The following FSTL3 variants were observed in gnomAD, a reference collection of about 807,000 sequenced individuals.
FSTL3 encodes follistatin like 3, also known as follistatin-related protein 3.
In FSTL3, 21 loss-of-function variants were observed where a neutral mutation model predicts 28.1. The observed-to-expected ratio is 0.75, with a 90% CI of 0.53 to 1.08. The LOEUF (loss-of-function observed/expected upper bound fraction) is 1.08. Among genes scored for constraint, FSTL3 ranks in the 50% least tolerant of loss-of-function variants. The pLI is 0.00. For synonymous variants in FSTL3, 199 were observed against 164.2 expected (o/e 1.21, Z -1.62); for missense variants, 400 against 380.9 (o/e 1.05, Z -0.42).
At chr19:678,149 G>C in intron 2 of FSTL3, 172 bp downstream of exon 2, 1 of 632,228 alleles carries the variant, frequency 1.6e-6, no homozygotes, top group Non-Finnish European at 2.7e-6. Flanking sequence ...CCGGTTCCCA[G>C]GCTCCAGCCT....
At position 677,817 on chromosome 19, in the gene FSTL3, C is replaced by T; in HGVS notation, c.129C>T (p.Gly43=). The change falls in exon 2 of 5, where the codon GGC becomes GGT. Residue 43 remains glycine, a synonymous_variant. Transcript: ENST00000166139. Reference sequence around the variant, plus strand: ...GTGGTGTTTGCTGGCTCCAGCAGGGCCAGGAGGCCACCTGCAGCCTGGTGC... The same window carrying T: ...GTGGTGTTTGCTGGCTCCAGCAGGGTCAGGAGGCCACCTGCAGCCTGGTGC... ...APGGVCWLQQ[G]QEATCSLVLQ... 6.2e-7 allele frequency: 1 copy of T among 1,611,248 alleles called. No homozygotes were observed. The highest frequency in any genetic ancestry group is 8.5e-7 in the Non-Finnish European group (1 of 1,179,854).
At chr19:677,259 C>G (rs2031233123) in intron 1 of FSTL3, among the ~76,000 whole-genome samples, 1 of 152,196 alleles carries the variant, frequency 6.6e-6, no homozygotes. Context: ...AGCAGAGCCC[C>G]CTCCCCGAAG....
At chr19:678,249 G>A (rs1381721413) in intron 2 of FSTL3, among the ~76,000 whole-genome samples, 2 of 152,218 alleles carry the variant, frequency 1.3e-5, no homozygotes, top group African/African-American at 4.8e-5. Context: ...CCACCTGGTC[G>A]ATAAATGTCT....
intron 3 of FSTL3, 67 bp downstream of exon 3, chr19:680,556 G>T: frequency 1.0e-6 from 1 of 998,244 alleles, no homozygotes; most frequent in Non-Finnish European, 1.3e-6. Context: ...CATGTATCGA[G>T]GCTGCTGCCG....
At position 676,512 on chromosome 19, in the gene FSTL3, G is replaced by T. The variant is rs1253076953; in HGVS notation, c.89G>T (p.Gly30Val). The T allele has an allele frequency of 1.7e-6, 2 of 1,161,412 alleles. No homozygotes were observed. The highest frequency in any genetic ancestry group is 3.8e-5 in the East Asian group (1 of 26,552). The allele number at this position is 1,161,412 out of a possible 1,614,324, so 71.9% of individuals were successfully genotyped here. Residue 30 changes from glycine (G) to valine (V), a missense_variant, in exon 1 of 5, where the codon GGG (glycine) becomes GTG (valine). Physicochemically the swap from Gly to Val is moderately radical, Grantham distance 109. Coordinates refer to ENST00000166139, the MANE Select transcript of FSTL3 (RefSeq NM_005860.3). ...GGCTTCGTGAGCTCCATGGGCTCGG[G>T]GAACCCCGCGCCCGGTGAGTGGGGC... ...AVGFVSSMGS[G>V]NPAPGGVCWL...
In FSTL3 at chr19:681,821, C is replaced by T. The variant is rs749371538; in HGVS notation, c.*113C>T. 31 of 965,410 alleles carry T rather than the reference C, an allele frequency of 3.2e-5. No homozygotes were observed. The highest frequency in any genetic ancestry group is 3.1e-4 in the Middle Eastern group (1 of 3,202). 59.8% of individuals were successfully genotyped at this position (965,410 alleles called of 1,614,324 possible). On this transcript the variant is annotated 3_prime_UTR_variant, in exon 5 of 5. Coordinates refer to ENST00000166139, the MANE Select transcript of FSTL3 (RefSeq NM_005860.3). Reference sequence around the variant, plus strand: ...ACGGACACTCCTTAGAGCCCGGATTCGGACCACTTGGGGATCCCAGAACCT... The same window carrying T: ...ACGGACACTCCTTAGAGCCCGGATTTGGACCACTTGGGGATCCCAGAACCT...
chr19:676,446 C>A lies in FSTL3; in HGVS notation c.23C>A (p.Pro8Gln). The change falls in exon 1 of 5, where the codon CCA becomes CAA. Residue 8 changes from proline (P) to glutamine (Q), a missense_variant. By Grantham distance (76) the Pro-to-Gln change is moderately conservative. Coordinates refer to ENST00000166139, the MANE Select transcript of FSTL3 (RefSeq NM_005860.3). ...GCCATGCGTCCCGGGGCGCCAGGGC[C>A]ACTCTGGCCTCTGCCCTGGGGGGCC... is the stretch of plus-strand genomic sequence containing the variant. Reference protein sequence around the residue: MRPGAPGPLWPLPWGALA... With the variant: MRPGAPGQLWPLPWGALA... 1 of 1,215,430 alleles carries A rather than the reference C, an allele frequency of 8.2e-7. No individual in the cohort carries two copies. Among genetic ancestry groups the A allele is most frequent in the South Asian group, 3.4e-5 (1 of 29,330 alleles). 75.3% of individuals were successfully genotyped at this position (1,215,430 alleles called of 1,614,324 possible).
At chr19:680,535 G>A in intron 3 of FSTL3, 46 bp downstream of exon 3, 4 of 1,087,952 alleles carry the variant, frequency 3.7e-6, no homozygotes, top group Non-Finnish European at 4.6e-6. Context: ...GGACCTACCG[G>A]ACCTGCGCGT....
intron 2 of FSTL3, 92 bp downstream of exon 2, chr19:678,069 G>A (rs1490196570): frequency 8.0e-7 from 1 of 1,257,106 alleles, no homozygotes; most frequent in Non-Finnish European, 1.1e-6. Context: ...TCCAGGGACT[G>A]AGCCCGTCAC....
Position 681,358 on chromosome 19 carries a change from G to T in FSTL3, c.531G>T (p.Pro177=), listed in dbSNP as rs370585443. The part of the protein sequence containing the change: ...CRKSCEHVVC[P]RPQSCVVDQT... ...AGTCCTGTGAGCACGTGGTGTGCCC[G>T]CGGCCACAGTCGTGCGTCGTGGACC... Residue 177 remains proline, a synonymous_variant, in exon 4 of 5, where the codon CCG becomes CCT. Coordinates refer to ENST00000166139, the MANE Select transcript of FSTL3 (RefSeq NM_005860.3). 1.3e-5 allele frequency: 20 copies of T among 1,581,368 alleles called. No homozygotes were observed. The highest frequency in any genetic ancestry group is 1.6e-5 in the Non-Finnish European group (19 of 1,171,024).
intron 2 of FSTL3, among the ~76,000 whole-genome samples, chr19:679,290 G>A (rs796940775): frequency 2.0e-5 from 3 of 152,294 alleles, no homozygotes; most frequent in African/African-American, 4.8e-5. Context: ...CCGCTGTGCC[G>A]GGGCCGCCCA....
chr19:679,486 G>T (rs2031279470), intron 2 of FSTL3, among the ~76,000 whole-genome samples: 1 of 152,214 alleles, frequency 6.6e-6, no homozygotes, highest in African/African-American at 2.4e-5. Flanking sequence ...AACAGAAAGG[G>T]GGTTGGTCAT....
rs139917094 is a variant in FSTL3, at chr19:681,803, C to G, written c.*95C>G. 116 of 1,091,906 alleles carry G rather than the reference C, an allele frequency of 1.1e-4. No homozygotes were observed. The African/African-American group carries it at 1.7e-3, about 16-fold the overall frequency. 67.6% of individuals were successfully genotyped at this position (1,091,906 alleles called of 1,614,324 possible). ...GAGTCTAATTTATATGCCACGGACA[C>G]TCCTTAGAGCCCGGATTCGGACCAC... is the stretch of plus-strand genomic sequence containing the variant. On this transcript the variant is annotated 3_prime_UTR_variant, in exon 5 of 5. Transcript: ENST00000166139.
chr19:681,447 G>A lies in FSTL3; in HGVS notation c.620G>A (p.Gly207Asp), dbSNP rs770929666. The A allele has an allele frequency of 1.3e-6, 2 of 1,599,490 alleles. No individual in the cohort carries two copies. The highest frequency in any genetic ancestry group is 1.7e-6 in the Non-Finnish European group (2 of 1,179,436). The part of the protein sequence containing the change: ...AAPCPVPSSP[G>D]QELCGNNNVT... ...CCCTGCCCTGTGCCCTCCAGCCCCG[G>A]CCAGGAGCTTTGCGGCAACAACAAC... The change falls in exon 4 of 5, where the codon GGC becomes GAC. Residue 207 changes from glycine to aspartate, a missense_variant. Gly to Asp is a moderately conservative substitution (Grantham distance 94). Coordinates refer to ENST00000166139, the MANE Select transcript of FSTL3 (RefSeq NM_005860.3).
intron 1 of FSTL3, 79 bp downstream of exon 1, chr19:676,605 G>C (rs1356649859): frequency 1.1e-5 from 5 of 457,998 alleles, no homozygotes; most frequent in East Asian, 1.0e-4. Flanking sequence ...GGGGACGTCG[G>C]GGGGCGCGGC....
chr19:681,731 T>A lies in FSTL3; in HGVS notation c.*23T>A. On this transcript the variant is annotated 3_prime_UTR_variant, in exon 5 of 5. Coordinates refer to ENST00000166139, the MANE Select transcript of FSTL3 (RefSeq NM_005860.3). Reference sequence around the variant, plus strand: ...TGAGCCTGCAGGACAGGCCTGGGCCTGGTGCCCGAGGCCCCCCATCATCCC... The same window carrying A: ...TGAGCCTGCAGGACAGGCCTGGGCCAGGTGCCCGAGGCCCCCCATCATCCC... The A allele has an allele frequency of 6.5e-7, 1 of 1,543,630 alleles. No individual in the cohort carries two copies. Among genetic ancestry groups the A allele is most frequent in the African/African-American group, 1.4e-5 (1 of 73,078 alleles).
chr19:683,383 C>CG lies in FSTL3; in HGVS notation c.*1675_*1676insG, dbSNP rs2031380932. 4.8e-6 allele frequency: 1 copy of CG among 208,716 alleles called. No homozygotes were observed. The highest frequency in any genetic ancestry group is 7.2e-5 in the East Asian group (1 of 13,966). 12.9% of individuals were successfully genotyped at this position (208,716 alleles called of 1,614,324 possible). On this transcript the variant is annotated 3_prime_UTR_variant, in exon 5 of 5. Coordinates refer to ENST00000166139, the MANE Select transcript of FSTL3 (RefSeq NM_005860.3). ...CTGCCTCACCAAGGAAATAAAGACTCAAGCCATTTTGGGGTGTCCAGGCCT... is the reference window on the plus strand; with the variant it reads ...CTGCCTCACCAAGGAAATAAAGACTCGAAGCCATTTTGGGGTGTCCAGGCCT...
chr19:678,021 A>C (rs748871767), intron 2 of FSTL3, 44 bp downstream of exon 2: 1,929 of 1,551,392 alleles, frequency 1.2e-3, no homozygotes, highest in Admixed American at 0.011. Context: ...TCAGCTCAGG[A>C]CCAGCCACAA....
Position 676,472 on chromosome 19 carries a change from C to T in FSTL3, c.49C>T (p.Leu17=). 1 of 1,190,202 alleles carries T rather than the reference C, an allele frequency of 8.4e-7. No individual in the cohort carries two copies. Among genetic ancestry groups the T allele is most frequent in the South Asian group, 3.8e-5 (1 of 26,326 alleles). The allele number at this position is 1,190,202 out of a possible 1,614,324, so 73.7% of individuals were successfully genotyped here. A position where few individuals can be genotyped will look rare whatever the true frequency, so the allele number is the denominator to read the frequency against. ...ACTCTGGCCTCTGCCCTGGGGGGCCCTGGCTTGGGCCGTGGGCTTCGTGAG... is the reference window on the plus strand; with the variant it reads ...ACTCTGGCCTCTGCCCTGGGGGGCCTTGGCTTGGGCCGTGGGCTTCGTGAG... ...GPLWPLPWGA[L]AWAVGFVSSM... Residue 17 remains leucine, a synonymous_variant, in exon 1 of 5, where the codon CTG becomes TTG. Transcript: ENST00000166139.
Sources: allele counts gnomAD v4.1 joint callset (sites outside exome capture counted in the v4.1 genomes callset), GRCh38; gene constraint gnomAD v4.1.1; transcripts MANE v1.5; gene names NCBI Gene and HGNC (gene_info 2026-07-23, HGNC 2026-07-21).